The following NCLN variants were observed in gnomAD, a reference collection of about 807,000 sequenced individuals.
The protein encoded by NCLN is BOS complex subunit NCLN.
Under a neutral mutation model 69.5 loss-of-function variants are expected in NCLN, and 34 were observed. The ratio of observed to expected loss-of-function variants is 0.49; its 90% CI spans 0.37 to 0.65. The LOEUF (loss-of-function observed/expected upper bound fraction) is 0.65, where lower values mean the gene tolerates loss of function less well. Ranked by LOEUF, NCLN falls within the 30% of genes least tolerant of loss-of-function variation. The pLI is 0.00. For missense variants in NCLN, 710 were observed against 804.8 expected (o/e 0.88, Z 1.42); for synonymous variants, 393 against 358.3 (o/e 1.10, Z -1.09).
chr19:3,204,830 T>C, intron 9 of NCLN, 79 bp downstream of exon 9: 1 of 1,337,234 alleles, frequency 7.5e-7, no homozygotes, highest in East Asian at 3.0e-5. Flanking sequence ...GCAGAGGCCA[T>C]GAGAGCCTGG....
At position 3,206,252 on chromosome 19, in the gene NCLN, G is replaced by A. The variant is rs1407300823; in HGVS notation, c.1336-10G>A. ...GGGCCAGGCCATGACTACCACCACC[G>A]TCCCTACAGCAGATCCAGCAGGAGC... On this transcript the variant is annotated splice_polypyrimidine_tract_variant and intron_variant, in intron 11 of 14. Coordinates refer to ENST00000246117, the MANE Select transcript of NCLN (RefSeq NM_020170.4). 9 of 1,543,096 alleles carry A rather than the reference G, an allele frequency of 5.8e-6. No individual in the cohort carries two copies. The highest frequency in any genetic ancestry group is 2.4e-5 in the East Asian group (1 of 40,860).
chr19:3,203,992 C>T lies in NCLN; in HGVS notation c.890-13C>T, dbSNP rs767644630. The T allele has an allele frequency of 4.0e-5, 62 of 1,557,584 alleles. No homozygotes were observed. The East Asian group carries it at 6.7e-4, about 17-fold the overall frequency. ...GGTCCCCACCCACCCCGCCAGCTCT[C>T]GGTGTCCTGCAGACTCCAGCCTGCT... is the stretch of plus-strand genomic sequence containing the variant. On this transcript the variant is annotated splice_polypyrimidine_tract_variant and intron_variant, in intron 7 of 14. Coordinates refer to ENST00000246117, the MANE Select transcript of NCLN (RefSeq NM_020170.4).
intron 5 of NCLN, 113 bp from the exon 6 acceptor site, chr19:3,201,410 A>C: frequency 1.4e-6 from 1 of 718,076 alleles, no homozygotes; most frequent in Non-Finnish European, 2.4e-6. Flanking sequence ...TCATGGGGCT[A>C]CGGGAGTAGG....
At position 3,201,510 on chromosome 19, in the gene NCLN, C is replaced by T. The variant is rs1316495005; in HGVS notation, c.697-13C>T. ...CGGGGGTGACTGTGGCCTTGCCTCT[C>T]CCGTCCCTGTAGTGGCTGTCGCTGG... On this transcript the variant is annotated splice_polypyrimidine_tract_variant and intron_variant, in intron 5 of 14. Coordinates refer to ENST00000246117, the MANE Select transcript of NCLN (RefSeq NM_020170.4). The T allele has an allele frequency of 8.4e-6, 13 of 1,542,324 alleles. No individual in the cohort carries two copies. In the Middle Eastern group the frequency reaches 7.1e-4, roughly 84 times the overall value.
intron 5 of NCLN, among the ~76,000 whole-genome samples, chr19:3,201,146 C>T (rs1916115903): frequency 1.3e-5 from 2 of 152,196 alleles, no homozygotes; most frequent in South Asian, 4.1e-4. Context: ...GCACAGAGAC[C>T]AGGGCTGGAC....
chr19:3,188,610 C>T (rs1915731356), intron 1 of NCLN, among the ~76,000 whole-genome samples: 1 of 152,200 alleles, frequency 6.6e-6, no homozygotes, highest in African/African-American at 2.4e-5. Flanking sequence ...CCTGGGTTTT[C>T]TTCTGAGTCT....
intron 12 of NCLN, 122 bp from the exon 13 acceptor site, chr19:3,207,076 A>G: frequency 1.8e-6 from 2 of 1,131,210 alleles, no homozygotes; most frequent in Non-Finnish European, 2.7e-6. Flanking sequence ...CGCCTGCCTC[A>G]ACCTCCCAAA....
chr19:3,193,244 A>G, intron 2 of NCLN, 40 bp from the exon 3 acceptor site: 1 of 1,406,314 alleles, frequency 7.1e-7, no homozygotes, highest in Non-Finnish European at 9.3e-7. Context: ...TGCCACCCCC[A>G]CCAGGCCAGC....
At chr19:3,192,709 G>A in intron 2 of NCLN, 49 bp downstream of exon 2, 2 of 1,458,830 alleles carry the variant, frequency 1.4e-6, no homozygotes, top group South Asian at 1.4e-5. Flanking sequence ...GCTGCGGCGG[G>A]AGTTGGAGGC....
intron 6 of NCLN, among the ~76,000 whole-genome samples, chr19:3,202,541 G>C (rs1010445911): frequency 2.6e-5 from 4 of 152,222 alleles, no homozygotes; most frequent in African/African-American, 9.6e-5. Context: ...AGATGGTACT[G>C]CTGCAGTCAT....
intron 4 of NCLN, among the ~76,000 whole-genome samples, chr19:3,198,431 C>A (rs111757420): frequency 6.7e-6 from 1 of 148,408 alleles, no homozygotes. Flanking sequence ...GGCGTGAACC[C>A]GGGAGGTGGA....
chr19:3,193,326 G>C lies in NCLN; in HGVS notation c.418G>C (p.Ala140Pro), dbSNP rs369016982. Residue 140 changes from alanine (A) to proline (P), a missense_variant, in exon 3 of 15, where the codon GCC becomes CCC. Physicochemically the swap from Ala to Pro is conservative, Grantham distance 27 (BLOSUM62 -1). Transcript: ENST00000246117. ...GCCGGAGATGCTGGCCATGGAGACCGCCGTCCCCGTGTACTTTGCCGTGGA... is the reference window on the plus strand; with the variant it reads ...GCCGGAGATGCTGGCCATGGAGACCCCCGTCCCCGTGTACTTTGCCGTGGA... The part of the protein sequence containing the change: ...IEPEMLAMET[A>P]VPVYFAVEDE... The C allele has an allele frequency of 3.7e-6, 6 of 1,612,820 alleles. No homozygotes were observed. Among genetic ancestry groups the C allele is most frequent in the African/African-American group, 1.3e-5 (1 of 74,916 alleles).
Position 3,207,771 on chromosome 19 carries a change from G to A in NCLN, c.*83G>A, listed in dbSNP as rs1005156824. ...GAGTGAGTGGACACTGCCCCGCCGC[G>A]GGCGGCCCTGCAGGGACAGGGGCCC... On this transcript the variant is annotated 3_prime_UTR_variant, in exon 15 of 15. Transcript: ENST00000246117. 36 of 1,280,294 alleles carry A rather than the reference G, an allele frequency of 2.8e-5. No homozygotes were observed. Among genetic ancestry groups the A allele is most frequent in the Non-Finnish European group, 3.8e-5 (34 of 886,626 alleles). The allele number at this position is 1,280,294 out of a possible 1,614,324, so 79.3% of individuals were successfully genotyped here. A position where few individuals can be genotyped will look rare whatever the true frequency, so the allele number is the denominator to read the frequency against.
intron 2 of NCLN, 106 bp from the exon 3 acceptor site, chr19:3,193,178 G>A (rs1177193835): frequency 9.0e-7 from 1 of 1,115,398 alleles, no homozygotes; most frequent in Non-Finnish European, 1.3e-6. Context: ...TCCAGGGACA[G>A]TCACTGGGCC....
intron 3 of NCLN, among the ~76,000 whole-genome samples, chr19:3,195,548 C>T (rs908288906): frequency 2.6e-5 from 4 of 152,052 alleles, no homozygotes; most frequent in Non-Finnish European, 4.4e-5. Context: ...CGCGCCCGGC[C>T]GATCATATCT....
intron 1 of NCLN, among the ~76,000 whole-genome samples, chr19:3,189,547 C>T (rs1408820737): frequency 6.6e-6 from 1 of 152,258 alleles, no homozygotes; most frequent in Non-Finnish European, 1.5e-5. Context: ...GACAGGTGCC[C>T]AGGCCACTGT....
At chr19:3,191,597 G>C (rs916603641) in intron 1 of NCLN, among the ~76,000 whole-genome samples, 2 of 152,226 alleles carry the variant, frequency 1.3e-5, no homozygotes, top group Non-Finnish European at 2.9e-5. Flanking sequence ...CCATCAACAG[G>C]CTTCAGGGAA....
intron 11 of NCLN, 33 bp from the exon 12 acceptor site, chr19:3,206,229 G>A: frequency 7.1e-7 from 1 of 1,408,662 alleles, no homozygotes; most frequent in Non-Finnish European, 9.7e-7. Context: ...GGTGGGCGGG[G>A]CCAGGCCATG....
At position 3,205,812 on chromosome 19, in the gene NCLN, ATT is replaced by A. The variant is rs754997356; in HGVS notation, c.1209-113_1209-112del. 1.6e-3 allele frequency: 1,165 copies of A among 707,528 alleles called. No individual in the cohort carries two copies. The highest frequency in any genetic ancestry group is 2.0e-3 in the Non-Finnish European group (861 of 435,956). 43.8% of individuals were successfully genotyped at this position (707,528 alleles called of 1,614,324 possible). A position where few individuals can be genotyped will look rare whatever the true frequency, so the allele number is the denominator to read the frequency against. On this transcript the variant is annotated intron_variant, in intron 9 of 14. Coordinates refer to ENST00000246117, the MANE Select transcript of NCLN (RefSeq NM_020170.4). The surrounding 1 kb of genome is among the most constrained non-coding windows in gnomAD (Gnocchi z 4.6). ...AGCCAAGTAGTTAAAGCTAAGCTTA[ATT>A]TTTTTTTTTTTTTAAAGACAGAGTC...
Sources: gnomAD v4.1 joint callset for allele counts (sites outside exome capture counted in the v4.1 genomes callset) on GRCh38, gnomAD v4.1.1 for gene constraint, Gnocchi (gnomAD v3.1) non-coding constraint, MANE v1.5 for transcripts, NCBI Gene and HGNC (gene_info 2026-07-23, HGNC 2026-07-21) for gene names.